The following PTPRT variants were observed in gnomAD, a reference collection of about 807,000 sequenced individuals.
The protein encoded by PTPRT is receptor-type tyrosine-protein phosphatase T.
PTPRT carries 56 observed loss-of-function variants against 176.8 expected under a neutral mutation model. The ratio of observed to expected loss-of-function variants is 0.32; its 90% CI spans 0.26 to 0.40. The LOEUF is 0.40. PTPRT is among the 10% of genes least tolerant of loss of function. The pLI, the probability that PTPRT is intolerant of heterozygous loss-of-function variation, is 1.00. For synonymous variants in PTPRT, 783 were observed against 739.0 expected, an observed-to-expected ratio of 1.06 and a Z score of -0.96; for missense variants, 1,540 against 1,908.2, an observed-to-expected ratio of 0.81 and a Z score of 3.60.
At chr20:42,660,946 G>A (rs2075212592) in intron 7 of PTPRT, among the ~76,000 whole-genome samples, 1 of 152,020 alleles carries the variant, frequency 6.6e-6, no homozygotes. Flanking sequence ...CTGCCTCCTG[G>A]GTTTAAGTGA....
At chr20:42,179,161 T>G (rs973220566) in intron 16 of PTPRT, among the ~76,000 whole-genome samples, 1 of 152,190 alleles carries the variant, frequency 6.6e-6, no homozygotes, top group East Asian at 1.9e-4. Flanking sequence ...AAAGAGGTAA[T>G]GTCGATGAAA....
intron 1 of PTPRT, among the ~76,000 whole-genome samples, chr20:43,048,145 G>A (rs578244165): frequency 1.3e-5 from 2 of 152,178 alleles, no homozygotes; most frequent in African/African-American, 4.8e-5. Context: ...CCAGAAGGAG[G>A]TAAAGAACTC....
At chr20:42,379,217 CT>C (rs1297675904) in intron 9 of PTPRT, among the ~76,000 whole-genome samples, 1 of 152,242 alleles carries the variant, frequency 6.6e-6, no homozygotes, top group Non-Finnish European at 1.5e-5. Context: ...CTGTGATGAA[CT>C]TCCAATTTTC....
At chr20:42,274,492 AG>A (rs746065986) in intron 13 of PTPRT, among the ~76,000 whole-genome samples, 182 of 148,278 alleles carry the variant, frequency 1.2e-3, no homozygotes, top group Non-Finnish European at 1.6e-3. Flanking sequence ...TCACGTTTTG[AG>A]GATTCATTAC....
intron 1 of PTPRT, among the ~76,000 whole-genome samples, chr20:43,096,667 C>G (rs979657382): frequency 1.3e-5 from 2 of 152,210 alleles, no homozygotes; most frequent in African/African-American, 4.8e-5. Context: ...CCTTCCAGAT[C>G]CAGATGCACT....
intron 2 of PTPRT, among the ~76,000 whole-genome samples, chr20:42,832,794 G>T (rs1187100579): frequency 8.4e-6 from 1 of 118,618 alleles, no homozygotes; most frequent in African/African-American, 3.1e-5. Context: ...CAACTAATAG[G>T]ATTTGTTAAA....
intron 1 of PTPRT, among the ~76,000 whole-genome samples, chr20:43,148,251 C>T (rs1374515257): frequency 6.6e-6 from 1 of 152,182 alleles, no homozygotes; most frequent in Non-Finnish European, 1.5e-5. Context: ...ATGTCACTGT[C>T]CTAGCACATT....
chr20:42,987,794 C>A (rs945701873), intron 1 of PTPRT, among the ~76,000 whole-genome samples: 1 of 152,346 alleles, frequency 6.6e-6, no homozygotes, highest in Middle Eastern at 3.4e-3. Flanking sequence ...TAACCTCTCA[C>A]TGCCTGTCTC....
intron 1 of PTPRT, among the ~76,000 whole-genome samples, chr20:42,975,723 T>C (rs1244581825): frequency 6.6e-6 from 1 of 152,106 alleles, no homozygotes; most frequent in East Asian, 1.9e-4. Flanking sequence ...AGGCTATAGA[T>C]GGGTGGGAAA....
rs1203563055 is a variant in PTPRT, at chr20:42,079,374, G to A, written c.*1505C>T. 10 of 210,448 alleles carry A rather than the reference G, an allele frequency of 4.8e-5. No individual in the cohort carries two copies. The highest frequency in any genetic ancestry group is 2.9e-3 in the Middle Eastern group (2 of 698). 13.0% of individuals were successfully genotyped at this position (210,448 alleles called of 1,614,324 possible). A position where few individuals can be genotyped will look rare whatever the true frequency, so the allele number is the denominator to read the frequency against. On this transcript the variant is annotated 3_prime_UTR_variant, in exon 31 of 31. Transcript: ENST00000373187. ...TTAGAGAAGATGAAGAAAACAGCAC[G>A]GAGAAGTCTCATTGCCATTACCTGC...
chr20:42,898,139 A>G (rs2057310168), intron 1 of PTPRT, among the ~76,000 whole-genome samples: 1 of 152,198 alleles, frequency 6.6e-6, no homozygotes, highest in South Asian at 2.1e-4. Flanking sequence ...TGAATAAGTC[A>G]TGTAGACTCT....
chr20:42,556,987 C>T (rs2072871883), intron 7 of PTPRT, among the ~76,000 whole-genome samples: 1 of 152,080 alleles, frequency 6.6e-6, no homozygotes, highest in Non-Finnish European at 1.5e-5. Flanking sequence ...GCGTGTCTCT[C>T]TCCCCTGCAC....
chr20:42,093,209 G>A (rs1343317170), intron 27 of PTPRT, among the ~76,000 whole-genome samples: 4 of 152,138 alleles, frequency 2.6e-5, no homozygotes, highest in Non-Finnish European at 4.4e-5. Flanking sequence ...CTGGTGGTCC[G>A]TAGAGACCAC....
intron 11 of PTPRT, among the ~76,000 whole-genome samples, chr20:42,343,080 C>A (rs1037478730): frequency 2.0e-5 from 3 of 152,092 alleles, no homozygotes; most frequent in Admixed American, 2.0e-4. Flanking sequence ...CCCTGTGCAC[C>A]ATGCCTCAAG....
chr20:43,137,292 C>G (rs2013862415), intron 1 of PTPRT, among the ~76,000 whole-genome samples: 1 of 152,166 alleles, frequency 6.6e-6, no homozygotes, highest in African/African-American at 2.4e-5. Flanking sequence ...GAGCAAGAAT[C>G]AGCAATTTAC....
chr20:42,253,421 T>C (rs2056581923), intron 13 of PTPRT, among the ~76,000 whole-genome samples: 1 of 152,174 alleles, frequency 6.6e-6, no homozygotes, highest in Admixed American at 6.5e-5. Context: ...GCGTTACTTT[T>C]ACCCCAAGCA....
intron 7 of PTPRT, among the ~76,000 whole-genome samples, chr20:42,489,183 T>C (rs1282693582): frequency 6.6e-6 from 1 of 152,094 alleles, no homozygotes; most frequent in African/African-American, 2.4e-5. Context: ...CATGTTGTTA[T>C]TTTTTTGAAA....
intron 15 of PTPRT, among the ~76,000 whole-genome samples, chr20:42,213,153 C>T (rs2055685938): frequency 6.6e-6 from 1 of 152,208 alleles, no homozygotes; most frequent in Non-Finnish European, 1.5e-5. Context: ...TTCACCGGCC[C>T]TGCCCTGACC....
chr20:42,315,463 T>C (rs544747176), intron 12 of PTPRT, among the ~76,000 whole-genome samples: 15 of 152,154 alleles, frequency 9.9e-5, no homozygotes, highest in Non-Finnish European at 2.2e-4. Context: ...AGCCATATAA[T>C]AAATATCTTA....
Sources: allele counts gnomAD v4.1 joint callset (sites outside exome capture counted in the v4.1 genomes callset), GRCh38; gene constraint gnomAD v4.1.1; transcripts MANE v1.5; gene names NCBI Gene and HGNC (gene_info 2026-07-23, HGNC 2026-07-21).